NXPH4: variants seen among roughly 807,000 people sequenced by gnomAD.
NXPH4 encodes the protein neurexophilin 4, also known as neurexophilin-4.
In NXPH4, 8 loss-of-function variants were observed where a neutral mutation model predicts 21.3. That is an observed-to-expected ratio of 0.38 (90% CI 0.22 to 0.68). The LOEUF (loss-of-function observed/expected upper bound fraction) is 0.68. Among genes scored for constraint, NXPH4 ranks in the 30% least tolerant of loss-of-function variants. The pLI is 0.53. For synonymous variants in NXPH4, 219 were observed against 192.6 expected (o/e 1.14, Z -1.13); for missense variants, 418 against 416.8 (o/e 1.00, Z -0.03).
chr12:57,219,024 G>A (rs1420783230), intron 1 of NXPH4, among the ~76,000 whole-genome samples: 3 of 152,124 alleles, frequency 2.0e-5, no homozygotes, highest in African/African-American at 7.2e-5. Flanking sequence ...GAGATTGTGA[G>A]CCTCAGGATG....
rs1253971490 is a variant in NXPH4 at position 57,225,825 on chromosome 12, C to G, written c.*78C>G. The stretch of plus-strand genomic sequence containing the variant: ...TGGGACCCCCTTCCCAGTGTTCTGC[C>G]GCTCCTGTGGCCATGTCGCCCACTC... On this transcript the variant is annotated 3_prime_UTR_variant, in exon 2 of 2. Coordinates refer to ENST00000349394, the MANE Select transcript of NXPH4 (RefSeq NM_007224.4). 3.4e-5 allele frequency: 53 copies of G among 1,537,512 alleles called. No homozygotes were observed. The highest frequency in any genetic ancestry group is 4.5e-5 in the Non-Finnish European group (51 of 1,141,714).
At chr12:57,220,863 A>C in intron 1 of NXPH4, among the ~76,000 whole-genome samples, 2 of 145,964 alleles carry the variant, frequency 1.4e-5, no homozygotes, top group African/African-American at 5.1e-5. Flanking sequence ...AACCATCCCC[A>C]TCCCCCATCT....
intron 1 of NXPH4, chr12:57,219,950 G>A (rs375746059): frequency 1.6e-4 from 25 of 152,650 alleles, no homozygotes; most frequent in African/African-American, 6.0e-4. Flanking sequence ...ATTGGAGAGA[G>A]ACAACACAAA....
intron 1 of NXPH4, among the ~76,000 whole-genome samples, chr12:57,223,263 A>G (rs1399547760): frequency 1.3e-5 from 2 of 152,090 alleles, no homozygotes; most frequent in Non-Finnish European, 1.5e-5. Context: ...ACAACCACAT[A>G]TAGCTACCCT....
At chr12:57,220,449 A>G (rs1013820648) in intron 1 of NXPH4, among the ~76,000 whole-genome samples, 1 of 139,936 alleles carries the variant, frequency 7.1e-6, no homozygotes, top group African/African-American at 2.5e-5. Context: ...GGCTCCAGGA[A>G]GCAGGGAAAT....
Position 57,225,299 on chromosome 12 carries a change from G to A in NXPH4, c.479G>A (p.Arg160His), listed in dbSNP as rs201118842. ...GTCAGCATCGTGCCGCCCTCCAAGC[G>A]TGTCGAGTTCGGAGGAGTCTGGCTG... ...LSVSIVPPSK[R>H]VEFGGVWLPG... Residue 160 changes from arginine (R) to histidine (H), a missense_variant, in exon 2 of 2, where the codon CGT becomes CAT. Physicochemically the swap from Arg to His is conservative, Grantham distance 29. Transcript: ENST00000349394. The A allele has an allele frequency of 1.3e-6, 2 of 1,555,214 alleles. No individual in the cohort carries two copies. Among genetic ancestry groups the A allele is most frequent in the Non-Finnish European group, 1.7e-6 (2 of 1,152,126 alleles).
intron 1 of NXPH4, among the ~76,000 whole-genome samples, chr12:57,218,031 T>C (rs2037056941): frequency 6.6e-6 from 1 of 152,104 alleles, no homozygotes; most frequent in Admixed American, 6.5e-5. Context: ...CAGTCCCCCA[T>C]TTTCCTTCTA....
At position 57,225,458 on chromosome 12, in the gene NXPH4, C is replaced by T; in HGVS notation, c.638C>T (p.Ala213Val). ...GLGGSLGGAL[A>V]GPLGGALGVP... is the part of the protein sequence containing the mutation. ...GGGGGCTCCCTCGGGGGCGCACTGG[C>T]GGGGCCGCTTGGGGGCGCGTTGGGA... is the stretch of plus-strand genomic sequence containing the variant. Residue 213 changes from alanine (A) to valine (V), a missense_variant, in exon 2 of 2, where the codon GCG becomes GTG. Physicochemically the swap from Ala to Val is moderately conservative, Grantham distance 64. Transcript: ENST00000349394. The T allele has an allele frequency of 1.7e-5, 27 of 1,600,426 alleles. No homozygotes were observed. Among genetic ancestry groups the T allele is most frequent in the Non-Finnish European group, 2.2e-5 (26 of 1,175,190 alleles).
intron 1 of NXPH4, among the ~76,000 whole-genome samples, chr12:57,223,342 C>T (rs1461656901): frequency 6.6e-6 from 1 of 152,072 alleles, no homozygotes; most frequent in Non-Finnish European, 1.5e-5. Flanking sequence ...GACACCACTC[C>T]ACAAATTGAC....
chr12:57,221,425 C>T (rs939598111), intron 1 of NXPH4: 10 of 446,350 alleles, frequency 2.2e-5, no homozygotes, highest in Non-Finnish European at 4.5e-5. Flanking sequence ...CCCTGCAATG[C>T]GGCTGGGGGG....
At position 57,225,360 on chromosome 12, in the gene NXPH4, C is replaced by G. The variant is rs144871725; in HGVS notation, c.540C>G (p.Leu180=). The G allele has an allele frequency of 1.3e-6, 2 of 1,584,200 alleles. No individual in the cohort carries two copies. Among genetic ancestry groups the G allele is most frequent in the South Asian group, 1.2e-5 (1 of 86,218 alleles). ...TCCCCCACCCTCTGCAGTCTACGCT[C>G]GCCCTGGAGGGGGTGCTTCCTGGGC... is the stretch of plus-strand genomic sequence containing the variant. ...GPVPHPLQST[L]ALEGVLPGLG... is the part of the protein sequence containing the mutation. The change falls in exon 2 of 2, where the codon CTC becomes CTG. Residue 180 remains leucine (L), a synonymous_variant. Coordinates refer to ENST00000349394, the MANE Select transcript of NXPH4 (RefSeq NM_007224.4).
At chr12:57,224,534 G>T (rs1357133153) in intron 1 of NXPH4, among the ~76,000 whole-genome samples, 1 of 152,192 alleles carries the variant, frequency 6.6e-6, no homozygotes, top group African/African-American at 2.4e-5. Context: ...CCAGGTGCCG[G>T]GCCAGGAAAG....
intron 1 of NXPH4, among the ~76,000 whole-genome samples, chr12:57,218,892 G>A (rs2037063977): frequency 6.6e-6 from 1 of 152,190 alleles, no homozygotes; most frequent in Non-Finnish European, 1.5e-5. Context: ...GTATGCACAT[G>A]TATACCCCGG....
chr12:57,219,100 G>T (rs372161915), intron 1 of NXPH4, among the ~76,000 whole-genome samples: 4 of 152,286 alleles, frequency 2.6e-5, no homozygotes, highest in African/African-American at 9.6e-5. Context: ...CCAGCACTGG[G>T]AGTGGGCAAA....
Position 57,225,772 on chromosome 12 carries a change from C to A in NXPH4, c.*25C>A. On this transcript the variant is annotated 3_prime_UTR_variant, in exon 2 of 2. Transcript: ENST00000349394. ...GCGCCCCTCCCCAGCCAGTCCTGAG[C>A]CTCCCGCCAAATCCCAGCCTCACTA... 6.3e-7 allele frequency: 1 copy of A among 1,593,080 alleles called. No homozygotes were observed. Among genetic ancestry groups the A allele is most frequent in the South Asian group, 1.1e-5 (1 of 89,192 alleles).
chr12:57,221,089 C>T (rs1044978936), intron 1 of NXPH4, among the ~76,000 whole-genome samples: 1 of 152,112 alleles, frequency 6.6e-6, no homozygotes, highest in Non-Finnish European at 1.5e-5. Context: ...ATTGTATCCT[C>T]ATCCCTGTAC....
chr12:57,217,103 C>A, intron 1 of NXPH4, 77 bp downstream of exon 1: 1 of 1,295,316 alleles, frequency 7.7e-7, no homozygotes, highest in South Asian at 1.3e-5. Context: ...CGAGGGGCTC[C>A]GTGCGCCCGC....
At chr12:57,223,140 G>A (rs73120027) in intron 1 of NXPH4, among the ~76,000 whole-genome samples, 2,038 of 152,226 alleles carry the variant, frequency 0.013, 28 homozygotes, top group Non-Finnish European at 0.022. Flanking sequence ...ACCCCCATCG[G>A]AACACAGCAA....
rs145450303 is a variant in NXPH4, at chr12:57,225,272, G to T, written c.452G>T (p.Ser151Ile). Residue 151 changes from serine to isoleucine, a missense_variant, in exon 2 of 2, where the codon AGT becomes ATT. Physicochemically the swap from Ser to Ile is moderately radical, Grantham distance 142. Transcript: ENST00000349394. ...AACTCGTCCAGCCTGGGCAACCTCA[G>T]TGTCAGCATCGTGCCGCCCTCCAAG... ...RHNSSSLGNLSVSIVPPSKRV... is the reference protein window; with the variant it reads ...RHNSSSLGNLIVSIVPPSKRV... The T allele has an allele frequency of 1.9e-6, 3 of 1,550,280 alleles. No individual in the cohort carries two copies. The highest frequency in any genetic ancestry group is 2.6e-6 in the Non-Finnish European group (3 of 1,149,438).
Sources: allele counts gnomAD v4.1 joint callset (sites outside exome capture counted in the v4.1 genomes callset), GRCh38; gene constraint gnomAD v4.1.1; transcripts MANE v1.5; gene names NCBI Gene and HGNC (gene_info 2026-07-23, HGNC 2026-07-21).